TRDN: variants seen among roughly 807,000 people sequenced by gnomAD.
The protein encoded by TRDN is triadin in skeletal muscle.
TRDN carries 161 observed loss-of-function variants against 149.7 expected under a neutral mutation model. The ratio of observed to expected loss-of-function variants is 1.08; its 90% CI spans 0.95 to 1.23. TRDN has a LOEUF of 1.23. TRDN is among the 50% of genes most tolerant of loss of function. The pLI is 0.00. For synonymous variants in TRDN, 294 were observed against 250.5 expected (o/e 1.17, Z -1.64); for missense variants, 896 against 823.5 (o/e 1.09, Z -1.08).
intron 2 of TRDN, among the ~76,000 whole-genome samples, chr6:123,558,503 A>C (rs1781800944): frequency 6.6e-6 from 1 of 152,084 alleles, no homozygotes. Context: ...TCTTTATCCC[A>C]AATCAGTCAG....
intron 4 of TRDN, among the ~76,000 whole-genome samples, chr6:123,537,335 A>T (rs1780601355): frequency 6.6e-6 from 1 of 152,192 alleles, no homozygotes; most frequent in African/African-American, 2.4e-5. Flanking sequence ...ACATGCAGAA[A>T]TTACAAAATT....
intron 27 of TRDN, among the ~76,000 whole-genome samples, chr6:123,273,848 C>T (rs1171437931): frequency 6.6e-6 from 1 of 151,946 alleles, no homozygotes; most frequent in Non-Finnish European, 1.5e-5. Flanking sequence ...TTTTTTTGAA[C>T]TTGCCTCAGG....
At chr6:123,563,523 C>T (rs56344552) in intron 2 of TRDN, among the ~76,000 whole-genome samples, 1,658 of 152,138 alleles carry the variant, frequency 0.011, 30 homozygotes, top group African/African-American at 0.038. Context: ...TGAATCTATG[C>T]GTATAATAAG....
At chr6:123,292,666 G>A (rs1778050418) in intron 24 of TRDN, among the ~76,000 whole-genome samples, 2 of 152,120 alleles carry the variant, frequency 1.3e-5, no homozygotes, top group African/African-American at 2.4e-5. Flanking sequence ...GTGTCATTGA[G>A]TACCCCCTCT....
intron 12 of TRDN, among the ~76,000 whole-genome samples, chr6:123,405,411 C>T (rs966308986): frequency 6.6e-6 from 1 of 152,236 alleles, no homozygotes; most frequent in Admixed American, 6.5e-5. Flanking sequence ...TGAATTCCAA[C>T]TAACCCATCT....
At chr6:123,586,844 G>A (rs1465981144) in intron 1 of TRDN, among the ~76,000 whole-genome samples, 1 of 152,076 alleles carries the variant, frequency 6.6e-6, no homozygotes, top group Non-Finnish European at 1.5e-5. Context: ...AGAAAAGCGG[G>A]AAAGGGGTCG....
Position 123,273,434 on chromosome 6 carries a change from C to G in TRDN, c.1598-71G>C, listed in dbSNP as rs191886587. On this transcript the variant is annotated intron_variant, in intron 27 of 40. Coordinates refer to ENST00000334268, the MANE Select transcript of TRDN (RefSeq NM_006073.4). ...GAGTATTTAACAATAACAAATACAA[C>G]TGGTTATTGTAAATAGAACTAGGCA... 2.5e-4 allele frequency: 185 copies of G among 750,668 alleles called. 5 individuals are homozygous for G. In the East Asian group the frequency reaches 0.011, roughly 46 times the overall value. 46.5% of individuals were successfully genotyped at this position (750,668 alleles called of 1,614,324 possible). A position where few individuals can be genotyped will look rare whatever the true frequency, so the allele number is the denominator to read the frequency against.
rs1776511222 is a variant in TRDN, at chr6:123,255,111, C to G, written c.1921G>C (p.Glu641Gln). ...LREEKVSTRK[E>Q]SLQLHNVTKA... ...GTCACATTGTGTAATTGAAGACTTT[C>G]TTTTCTTGTTGAGACTGTTAATAAG... The change falls in exon 37 of 41, where the codon GAA (glutamate) becomes CAA (glutamine). Residue 641 changes from glutamate (E) to glutamine (Q), a missense_variant. Coordinates refer to ENST00000334268, the MANE Select transcript of TRDN (RefSeq NM_006073.4). 2.9e-6 allele frequency: 4 copies of G among 1,366,760 alleles called. No homozygotes were observed. Among genetic ancestry groups the G allele is most frequent in the Non-Finnish European group, 3.0e-6 (3 of 1,006,744 alleles). 84.7% of individuals were successfully genotyped at this position (1,366,760 alleles called of 1,614,324 possible).
intron 23 of TRDN, among the ~76,000 whole-genome samples, chr6:123,330,245 A>C (rs1384378485): frequency 6.6e-6 from 1 of 152,118 alleles, no homozygotes; most frequent in Non-Finnish European, 1.5e-5. Context: ...TGTGTGATTA[A>C]ATTACTTAAT....
At chr6:123,441,707 A>C (rs377244834) in intron 10 of TRDN, among the ~76,000 whole-genome samples, 2 of 152,332 alleles carry the variant, frequency 1.3e-5, no homozygotes, top group Middle Eastern at 3.4e-3. Context: ...TTTTTATGCC[A>C]TCTCAAAGCC....
intron 1 of TRDN, among the ~76,000 whole-genome samples, chr6:123,574,882 A>ATG (rs1159922757): frequency 2.3e-5 from 3 of 129,712 alleles, no homozygotes; most frequent in African/African-American, 3.3e-5. Context: ...ATATATATAT[A>ATG]TATATATATA....
At chr6:123,596,229 G>A (rs74433657) in intron 1 of TRDN, among the ~76,000 whole-genome samples, 1 of 152,032 alleles carries the variant, frequency 6.6e-6, no homozygotes, top group African/African-American at 2.4e-5. Flanking sequence ...ACTCCCTTCA[G>A]CCAAAGCCTA....
intron 38 of TRDN, among the ~76,000 whole-genome samples, chr6:123,242,099 C>G (rs1582764269): frequency 6.6e-6 from 1 of 152,168 alleles, no homozygotes; most frequent in Non-Finnish European, 1.5e-5. Flanking sequence ...CCAGGGCCAT[C>G]CCCCTGTCTA....
rs1299050754 is a variant in TRDN, at chr6:123,218,653, C to CCAGA, written c.2137_2138insTCTG (p.Gly713ValfsTer24). 1 of 1,610,932 alleles carries CCAGA rather than the reference C, an allele frequency of 6.2e-7. No individual in the cohort carries two copies. The highest frequency in any genetic ancestry group is 8.5e-7 in the Non-Finnish European group (1 of 1,178,304). On this transcript the variant is annotated frameshift_variant, in exon 41 of 41. Coordinates refer to ENST00000334268, the MANE Select transcript of TRDN (RefSeq NM_006073.4). LOFTEE classifies it high-confidence loss of function. ...AGAATTTGCTTGACCAGAGCTCTCTCCAGGGCGGTCTGCAGGAGTGAAAGG... is the reference window on the plus strand; with the variant it reads ...AGAATTTGCTTGACCAGAGCTCTCTCCAGACAGGGCGGTCTGCAGGAGTGAAAGG...
chr6:123,315,536 A>C (rs1447975379), intron 24 of TRDN, among the ~76,000 whole-genome samples: 1 of 151,990 alleles, frequency 6.6e-6, no homozygotes, highest in Non-Finnish European at 1.5e-5. Context: ...ATAACTGCTT[A>C]AATATAGATT....
chr6:123,417,689 A>G (rs1773712911), intron 12 of TRDN, among the ~76,000 whole-genome samples: 1 of 152,318 alleles, frequency 6.6e-6, no homozygotes, highest in African/African-American at 2.4e-5. Context: ...CATGCATTCA[A>G]CCTGTGCAAA....
intron 1 of TRDN, among the ~76,000 whole-genome samples, chr6:123,592,154 A>T (rs572473880): frequency 6.6e-6 from 1 of 152,222 alleles, no homozygotes. Context: ...AATGCCACTC[A>T]TTGGCAACTA....
chr6:123,587,297 G>A lies in TRDN; in HGVS notation c.23-16165C>T, dbSNP rs181400002. ...CTGCCTTCCCTAGTCCATGACTGGC[G>A]CCAGAGTTTTGGGTCCACGGATAAA... On this transcript the variant is annotated intron_variant, in intron 1 of 40. Transcript: ENST00000334268. Among the ~76,000 whole-genome samples, 529 of 152,188 alleles carry A rather than the reference G, an allele frequency of 3.5e-3. 9 individuals carry two copies. Among genetic ancestry groups the A allele is most frequent in the Non-Finnish European group, 1.9e-3 (127 of 68,020 alleles).
chr6:123,498,157 C>A (rs189043467), intron 8 of TRDN: 11 of 162,546 alleles, frequency 6.8e-5, no homozygotes, highest in Non-Finnish European at 1.2e-4. Context: ...CTGAAATATG[C>A]ATTTTATTAA....
Sources: allele counts gnomAD v4.1 joint callset (sites outside exome capture counted in the v4.1 genomes callset), GRCh38; gene constraint gnomAD v4.1.1; transcripts MANE v1.5; gene names NCBI Gene and HGNC (gene_info 2026-07-23, HGNC 2026-07-21).